PLXNA4: variants seen among roughly 807,000 people sequenced by gnomAD.
The protein encoded by PLXNA4 is plexin A4.
PLXNA4 carries 44 observed loss-of-function variants against 191.8 expected under a neutral mutation model. The ratio of observed to expected loss-of-function variants is 0.23; its 90% CI spans 0.18 to 0.29. PLXNA4 has a LOEUF of 0.29. PLXNA4 is among the 10% of genes least tolerant of loss of function. The pLI, the probability that PLXNA4 is intolerant of heterozygous loss-of-function variation, is 1.00. For synonymous variants in PLXNA4, 1,082 were observed against 1,009.5 expected, an observed-to-expected ratio of 1.07 and a Z score of -1.36; for missense variants, 1,800 against 2,488.8, an observed-to-expected ratio of 0.72 and a Z score of 5.89.
At chr7:132,603,944 G>T (rs1358647341) in intron 2 of PLXNA4, among the ~76,000 whole-genome samples, 1 of 152,180 alleles carries the variant, frequency 6.6e-6, no homozygotes, top group African/African-American at 2.4e-5. Context: ...TATTGATGGT[G>T]CCTTATTGGG....
chr7:132,570,984 C>T (rs1801952160), intron 1 of PLXNA4, among the ~76,000 whole-genome samples: 1 of 152,160 alleles, frequency 6.6e-6, no homozygotes, highest in Non-Finnish European at 1.5e-5. Context: ...TGATGAAATT[C>T]CACGTGCACC....
At chr7:132,363,059 AC>A (rs749916348) in intron 3 of PLXNA4, among the ~76,000 whole-genome samples, 4 of 152,168 alleles carry the variant, frequency 2.6e-5, no homozygotes, top group Non-Finnish European at 4.4e-5. Context: ...ATCTTGGCTC[AC>A]TGAAACCTCT....
At chr7:132,535,955 A>G (rs935682439) in intron 1 of PLXNA4, among the ~76,000 whole-genome samples, 1 of 152,186 alleles carries the variant, frequency 6.6e-6, no homozygotes, top group Non-Finnish European at 1.5e-5. Context: ...ATCATTTTAA[A>G]GGCTGCAGCC....
intron 25 of PLXNA4, among the ~76,000 whole-genome samples, chr7:132,157,623 G>A (rs1249608664): frequency 6.6e-6 from 1 of 152,158 alleles, no homozygotes; most frequent in Non-Finnish European, 1.5e-5. Flanking sequence ...GAAGGAGCCT[G>A]CTCCTATCAC....
At chr7:132,151,286 AG>A in intron 25 of PLXNA4, among the ~76,000 whole-genome samples, 1 of 84,690 alleles carries the variant, frequency 1.2e-5, no homozygotes, top group African/African-American at 3.4e-5. Context: ...AAGGAGGAGG[AG>A]GAGGAAGAAG....
At position 132,127,651 on chromosome 7, in the gene PLXNA4, C is replaced by T. The variant is rs1212154629; in HGVS notation, c.*2828G>A. On this transcript the variant is annotated 3_prime_UTR_variant, in exon 32 of 32. Coordinates refer to ENST00000321063, the MANE Select transcript of PLXNA4 (RefSeq NM_020911.2). ...CTCTGGATACCTGGCTCAAATTTCT[C>T]AGTCCCCAAGCAGGCCACGGGGACT... 1 of 152,154 alleles carries T rather than the reference C, an allele frequency of 6.6e-6. No individual in the cohort carries two copies. Among genetic ancestry groups the T allele is most frequent in the African/African-American group, 2.4e-5 (1 of 41,430 alleles). The allele number at this position is 152,154 out of a possible 1,614,324, so 9.4% of individuals were successfully genotyped here.
chr7:132,479,535 C>A (rs553759250), intron 3 of PLXNA4, among the ~76,000 whole-genome samples: 2 of 152,352 alleles, frequency 1.3e-5, no homozygotes, highest in African/African-American at 2.4e-5. Flanking sequence ...TCCACCCGCA[C>A]CTTAGTGAGC....
chr7:132,228,691 T>G (rs1001471956), intron 5 of PLXNA4, among the ~76,000 whole-genome samples: 38 of 152,200 alleles, frequency 2.5e-4, no homozygotes, highest in African/African-American at 6.8e-4. Context: ...GGCAGAAACT[T>G]GAGAGTCATC....
At chr7:132,611,420 G>A (rs568804944) in intron 2 of PLXNA4, among the ~76,000 whole-genome samples, 4 of 152,110 alleles carry the variant, frequency 2.6e-5, no homozygotes, top group Non-Finnish European at 4.4e-5. Flanking sequence ...TCCACGCTCC[G>A]ACACAGAACT....
chr7:132,132,318 T>A (rs925339091), intron 31 of PLXNA4, among the ~76,000 whole-genome samples: 3 of 152,168 alleles, frequency 2.0e-5, no homozygotes, highest in African/African-American at 7.2e-5. Flanking sequence ...GCCTTGTATA[T>A]AGTGGCAATG....
intron 3 of PLXNA4, among the ~76,000 whole-genome samples, chr7:132,488,663 G>C (rs1044276699): frequency 6.6e-6 from 1 of 152,142 alleles, no homozygotes; most frequent in Non-Finnish European, 1.5e-5. Flanking sequence ...TCCCAACACA[G>C]CTGATGAGCC....
intron 3 of PLXNA4, among the ~76,000 whole-genome samples, chr7:132,403,776 C>T (rs1417875401): frequency 6.6e-6 from 1 of 152,088 alleles, no homozygotes; most frequent in Non-Finnish European, 1.5e-5. Context: ...GGGAAGAGGG[C>T]ATTTGGGGGC....
intron 3 of PLXNA4, among the ~76,000 whole-genome samples, chr7:132,397,442 T>C (rs1793812569): frequency 6.6e-6 from 1 of 152,148 alleles, no homozygotes; most frequent in Non-Finnish European, 1.5e-5. Context: ...GAGCAGGTAG[T>C]AGGAAGAATT....
intron 2 of PLXNA4, among the ~76,000 whole-genome samples, chr7:132,504,967 AG>A (rs541518691): frequency 1.4e-4 from 22 of 152,304 alleles, no homozygotes; most frequent in African/African-American, 5.3e-4. Context: ...TCGTAACAGG[AG>A]GGTGGGAGCA....
chr7:132,195,459 A>G (rs1797226860), intron 13 of PLXNA4, among the ~76,000 whole-genome samples: 1 of 152,252 alleles, frequency 6.6e-6, no homozygotes, highest in Admixed American at 6.5e-5. Flanking sequence ...ATTGTATAGT[A>G]GGATAGATTT....
chr7:132,181,191 A>T (rs17803876), intron 18 of PLXNA4, among the ~76,000 whole-genome samples, 190 bp downstream of exon 18: 6,340 of 152,304 alleles, frequency 0.042, 178 homozygotes, highest in South Asian at 0.073. Context: ...CCTGGGTAGA[A>T]CCGGCCCCTA....
chr7:132,504,339 C>A (rs1798373021), intron 2 of PLXNA4, among the ~76,000 whole-genome samples: 1 of 152,234 alleles, frequency 6.6e-6, no homozygotes. Context: ...CCCAAATGAA[C>A]ACAGCCAAAG....
intron 2 of PLXNA4, among the ~76,000 whole-genome samples, chr7:132,500,088 A>T (rs1415689274): frequency 6.6e-6 from 1 of 152,210 alleles, no homozygotes; most frequent in Non-Finnish European, 1.5e-5. Context: ...CCTTACAAAA[A>T]CTAAGGGACA....
At chr7:132,562,738 TCTCCTCCTCCTTCTC>T (rs1258802207) in intron 1 of PLXNA4, among the ~76,000 whole-genome samples, 4 of 68,592 alleles carry the variant, frequency 5.8e-5, no homozygotes, top group Non-Finnish European at 8.4e-5. Context: ...TCCTCCTCCT[TCTCCTCCTCCTTCTC>T]CTCCTCCTCC....
Sources: allele counts gnomAD v4.1 joint callset (sites outside exome capture counted in the v4.1 genomes callset), GRCh38; gene constraint gnomAD v4.1.1; transcripts MANE v1.5; gene names NCBI Gene and HGNC (gene_info 2026-07-23, HGNC 2026-07-21).